C2CD5: variants seen among roughly 807,000 people sequenced by gnomAD.
C2CD5 encodes C2 domain-containing protein 5.
A neutral mutation model predicts 130.3 loss-of-function variants in C2CD5; 109 were observed. The observed-to-expected ratio is 0.84, with a 90% confidence interval of 0.72 to 0.98. The LOEUF is 0.98. C2CD5 is among the 50% of genes least tolerant of loss of function. The pLI, the probability that C2CD5 is intolerant of heterozygous loss-of-function variation, is 0.00. For missense variants in C2CD5, 996 were observed against 1,261.8 expected (o/e 0.79, Z 3.19); for synonymous variants, 454 against 429.2 (o/e 1.06, Z -0.71).
intron 2 of C2CD5, among the ~76,000 whole-genome samples, chr12:22,537,178 T>G (rs761352945): frequency 6.6e-6 from 1 of 152,218 alleles, no homozygotes; most frequent in Non-Finnish European, 1.5e-5. Context: ...TTTTTGTTGT[T>G]GTGCAACTGT....
chr12:22,503,409 T>C (rs1948059319), intron 10 of C2CD5, among the ~76,000 whole-genome samples: 1 of 152,218 alleles, frequency 6.6e-6, no homozygotes, highest in Non-Finnish European at 1.5e-5. Flanking sequence ...TTAAAATTTC[T>C]TCATAAATAA....
intron 2 of C2CD5, among the ~76,000 whole-genome samples, chr12:22,542,224 T>C (rs1952461291): frequency 6.6e-6 from 1 of 152,242 alleles, no homozygotes; most frequent in East Asian, 1.9e-4. Context: ...ACAAACATGA[T>C]CTTATTTTAT....
chr12:22,471,307 T>C (rs1942990856), intron 20 of C2CD5, 92 bp downstream of exon 20: 7 of 744,868 alleles, frequency 9.4e-6, no homozygotes, highest in Non-Finnish European at 1.6e-5. Flanking sequence ...CTAGTATATG[T>C]TTATTTAATT....
At chr12:22,490,456 T>C (rs941554391) in intron 11 of C2CD5, among the ~76,000 whole-genome samples, 2 of 152,114 alleles carry the variant, frequency 1.3e-5, no homozygotes, top group African/African-American at 4.8e-5. Flanking sequence ...ATAAAAGTAT[T>C]AATATTAAAG....
chr12:22,510,861 T>A (rs1173006734), intron 9 of C2CD5, among the ~76,000 whole-genome samples: 1 of 152,194 alleles, frequency 6.6e-6, no homozygotes, highest in Admixed American at 6.5e-5. Context: ...CTGAGCACAG[T>A]GGCTCATGCC....
At chr12:22,539,324 T>C (rs949754593) in intron 2 of C2CD5, among the ~76,000 whole-genome samples, 9 of 151,934 alleles carry the variant, frequency 5.9e-5, no homozygotes, top group Admixed American at 2.6e-4. Flanking sequence ...TTCTAAGACA[T>C]TATGTTCCCC....
At chr12:22,461,701 T>C (rs1015810997) in intron 22 of C2CD5, among the ~76,000 whole-genome samples, 2 of 152,118 alleles carry the variant, frequency 1.3e-5, no homozygotes, top group Non-Finnish European at 2.9e-5. Flanking sequence ...TTTCACGATA[T>C]ACATGTATTA....
chr12:22,459,122 ATGT>A (rs1440334230), intron 23 of C2CD5, among the ~76,000 whole-genome samples: 1 of 152,110 alleles, frequency 6.6e-6, no homozygotes, highest in African/African-American at 2.4e-5. Context: ...ATTTTTGTTA[ATGT>A]TTTGTTTCCA....
intron 7 of C2CD5, among the ~76,000 whole-genome samples, 187 bp from the exon 8 acceptor site, chr12:22,518,324 T>C (rs746029005): frequency 5.9e-5 from 9 of 152,070 alleles, no homozygotes; most frequent in Non-Finnish European, 8.8e-5. Flanking sequence ...AGATAAATAT[T>C]ATCTGCATTG....
chr12:22,512,460 CAT>C (rs762034557), intron 9 of C2CD5, among the ~76,000 whole-genome samples: 162 of 149,680 alleles, frequency 1.1e-3, no homozygotes, highest in Admixed American at 2.7e-3. Flanking sequence ...TAACATGCAC[CAT>C]ATTAGTTAGT....
At chr12:22,464,071 A>G (rs1026011636) in intron 22 of C2CD5, among the ~76,000 whole-genome samples, 2 of 152,174 alleles carry the variant, frequency 1.3e-5, no homozygotes, top group African/African-American at 4.8e-5. Flanking sequence ...TATAAACCTG[A>G]TCTATAACGA....
intron 11 of C2CD5, 60 bp from the exon 12 acceptor site, chr12:22,490,278 G>T: frequency 2.7e-6 from 3 of 1,109,050 alleles, no homozygotes; most frequent in Non-Finnish European, 2.7e-6. Flanking sequence ...TTTGGGAAAT[G>T]CTAAATATCA....
chr12:22,459,990 G>A (rs1358732438), intron 22 of C2CD5, among the ~76,000 whole-genome samples: 2 of 152,194 alleles, frequency 1.3e-5, no homozygotes, highest in Admixed American at 1.3e-4. Flanking sequence ...ATGCTTCACA[G>A]ATCAGCATAA....
At chr12:22,453,286 A>T (rs1358578015) in intron 26 of C2CD5, among the ~76,000 whole-genome samples, 1 of 152,134 alleles carries the variant, frequency 6.6e-6, no homozygotes, top group Non-Finnish European at 1.5e-5. Context: ...GGACCACAGA[A>T]ATAGGATTTT....
intron 9 of C2CD5, among the ~76,000 whole-genome samples, chr12:22,512,840 C>A (rs139579727): frequency 4.2e-4 from 64 of 152,008 alleles, no homozygotes; most frequent in African/African-American, 1.3e-3. Flanking sequence ...TTATATTAAT[C>A]TTTAGAAATA....
At position 22,493,230 on chromosome 12, in the gene C2CD5, T is replaced by C. The variant is rs1478222060; in HGVS notation, c.1255A>G (p.Ser419Gly). 6.4e-7 allele frequency: 1 copy of C among 1,557,068 alleles called. No homozygotes were observed. The change falls in exon 11 of 27, where the codon AGC becomes GGC. Residue 419 changes from serine to glycine, a missense_variant. Physicochemically the swap from Ser to Gly is moderately conservative, Grantham distance 56. This residue lies in a region of C2CD5 where 590 missense variants were observed against 631.4 expected (regional missense o/e 0.93). Transcript: ENST00000446597. The stretch of plus-strand genomic sequence containing the variant: ...GTTGTTATTATCATTTACCAGATGC[T>C]AGTTGATTCACTGTAGCCCACTACA... ...HAVVGYSEST[S>G]ICEEVCILSA... is the part of the protein sequence containing the mutation.
rs958730787 is a variant in C2CD5 at position 22,453,271 on chromosome 12, C to T, written c.3024+625G>A. Among the ~76,000 whole-genome samples the T allele has an allele frequency of 7.9e-5, 12 of 151,994 alleles. No individual in the cohort carries two copies. In the South Asian group the frequency reaches 2.1e-3, roughly 26 times the overall value. On this transcript the variant is annotated intron_variant, in intron 26 of 26. Transcript: ENST00000446597. ...AGCTTCATGCATTCATCACAGTGTA[C>T]CAGTGGACCACAGAAATAGGATTTT...
At chr12:22,526,337 G>C (rs1950716117) in intron 4 of C2CD5, among the ~76,000 whole-genome samples, 2 of 152,090 alleles carry the variant, frequency 1.3e-5, no homozygotes, top group Admixed American at 6.6e-5. Context: ...ACACTTTACA[G>C]GTAGTATCTC....
At chr12:22,522,574 G>A (rs746834255) in intron 7 of C2CD5, among the ~76,000 whole-genome samples, 1 of 152,088 alleles carries the variant, frequency 6.6e-6, no homozygotes, top group Non-Finnish European at 1.5e-5. Context: ...ACAAGAGATT[G>A]TATGGGCAGA....
Sources: gnomAD v4.1 joint callset for allele counts (sites outside exome capture counted in the v4.1 genomes callset) on GRCh38, gnomAD v4.1.1 for gene constraint, gnomAD v4.1.1 regional missense constraint, MANE v1.5 for transcripts, NCBI Gene and HGNC (gene_info 2026-07-23, HGNC 2026-07-21) for gene names.